Variants in SDAD1 observed in about 807,000 individuals in gnomAD.
SDAD1 encodes protein SDA1 homolog.
SDAD1 carries 79 observed loss-of-function variants against 100.3 expected under a neutral mutation model. The ratio of observed to expected loss-of-function variants is 0.79; its 90% CI spans 0.66 to 0.95. SDAD1 has a LOEUF of 0.95. Among genes scored for constraint, SDAD1 ranks in the 40% least tolerant of loss-of-function variants. The probability of loss-of-function intolerance (pLI) is 0.00; values close to 1 mark genes in which losing one functional copy is unlikely to be tolerated. For missense variants in SDAD1, 790 were observed against 810.9 expected, an observed-to-expected ratio of 0.97 and a Z score of 0.31; for synonymous variants, 267 against 271.4, an observed-to-expected ratio of 0.98 and a Z score of 0.16.
At chr4:75,951,664 T>C (rs1728635804) in intron 21 of SDAD1, among the ~76,000 whole-genome samples, 1 of 152,094 alleles carries the variant, frequency 6.6e-6, no homozygotes, top group African/African-American at 2.4e-5. Context: ...ATTTAACATC[T>C]AGAGAAAAAG....
At position 75,981,448 on chromosome 4, in the gene SDAD1, T is replaced by A. The variant is rs915725123; in HGVS notation, c.218A>T (p.Tyr73Phe). Reference protein sequence around the residue: ...MAQISHCYPEYLSNFPQEVKD... With the variant: ...MAQISHCYPEFLSNFPQEVKD... ...CACCTCTTGAGGAAAATTACTTAGG[T>A]ACTCTGGGTAGCAGTGACTAATCTG... The change falls in exon 3 of 22, where the codon TAC becomes TTC. Residue 73 changes from tyrosine to phenylalanine, a missense_variant. Coordinates refer to ENST00000356260, the MANE Select transcript of SDAD1 (RefSeq NM_018115.4). 7.4e-6 allele frequency: 12 copies of A among 1,613,832 alleles called. No individual in the cohort carries two copies. Among genetic ancestry groups the A allele is most frequent in the Non-Finnish European group, 9.3e-6 (11 of 1,179,788 alleles).
At chr4:75,988,584 A>G (rs1035134133) in intron 1 of SDAD1, among the ~76,000 whole-genome samples, 1 of 152,086 alleles carries the variant, frequency 6.6e-6, no homozygotes, top group East Asian at 1.9e-4. Context: ...TTAACATACT[A>G]TATTATTTGT....
chr4:75,967,186 ACT>A (rs1450661337), intron 12 of SDAD1, 89 bp downstream of exon 12: 1 of 1,189,862 alleles, frequency 8.4e-7, no homozygotes, highest in Non-Finnish European at 1.3e-6. Flanking sequence ...AGCACACTGC[ACT>A]CCTGTCTTTA....
chr4:75,978,070 G>C (rs567392897), intron 3 of SDAD1, among the ~76,000 whole-genome samples: 9 of 152,244 alleles, frequency 5.9e-5, no homozygotes, highest in African/African-American at 2.2e-4. Context: ...TCTTTGTAGT[G>C]TCATCATACG....
chr4:75,969,308 C>G lies in SDAD1; in HGVS notation c.975G>C (p.Val325=), dbSNP rs1335723938. Reference sequence around the variant, plus strand: ...ATATAATTCAAACCTCATGAATTCCCACCAATCTGGAGATAAGGTTCATGA... The same window carrying G: ...ATATAATTCAAACCTCATGAATTCCGACCAATCTGGAGATAAGGTTCATGA... ...MMLMNLISRL[V]GIHELFLFNF... is the part of the protein sequence containing the mutation. Residue 325 remains valine, a synonymous_variant, in exon 11 of 22, where the codon GTG becomes GTC. Transcript: ENST00000356260. The G allele has an allele frequency of 6.2e-7, 1 of 1,610,614 alleles. No homozygotes were observed. The highest frequency in any genetic ancestry group is 8.5e-7 in the Non-Finnish European group (1 of 1,177,166).
intron 1 of SDAD1, among the ~76,000 whole-genome samples, chr4:75,986,871 A>G (rs1730927111): frequency 1.3e-5 from 2 of 152,058 alleles, no homozygotes; most frequent in South Asian, 4.2e-4. Context: ...AAAAAAATCA[A>G]CTGGGAATGG....
intron 1 of SDAD1, among the ~76,000 whole-genome samples, chr4:75,989,352 T>C (rs1416254477): frequency 6.6e-6 from 1 of 152,202 alleles, no homozygotes; most frequent in Non-Finnish European, 1.5e-5. Flanking sequence ...AATTCTAACC[T>C]ATTCCCATCC....
chr4:75,981,535 T>G (rs1298571460), intron 2 of SDAD1, 65 bp from the exon 3 acceptor site: 2 of 1,604,732 alleles, frequency 1.2e-6, no homozygotes. Flanking sequence ...GATGCATACA[T>G]TTAGGATGTT....
intron 6 of SDAD1, 133 bp downstream of exon 6, chr4:75,975,611 A>T: frequency 3.4e-6 from 2 of 584,738 alleles, no homozygotes; most frequent in Non-Finnish European, 5.9e-6. Context: ...CTCTATTTTT[A>T]CTTCCAACTT....
In SDAD1 at chr4:75,977,548, GTTA is replaced by G. The variant is rs1056571704; in HGVS notation, c.405+95_405+97del. 16 of 802,616 alleles carry G rather than the reference GTTA, an allele frequency of 2.0e-5. No homozygotes were observed. In the Middle Eastern group the frequency reaches 1.0e-3, roughly 52 times the overall value. 49.7% of individuals were successfully genotyped at this position (802,616 alleles called of 1,614,324 possible). ...ACAATGGTTGCTTTTTCCTGTTAAA[GTTA>G]TTATTAACAATGTAAAGCATCGATA... On this transcript the variant is annotated intron_variant, in intron 4 of 21. Transcript: ENST00000356260.
At chr4:75,989,986 A>G (rs1731144259) in intron 1 of SDAD1, among the ~76,000 whole-genome samples, 3 of 152,258 alleles carry the variant, frequency 2.0e-5, no homozygotes, top group Admixed American at 2.0e-4. Flanking sequence ...CCTAGCAGAG[A>G]TACCTGTTTA....
At chr4:75,969,180 T>C in intron 11 of SDAD1, 116 bp downstream of exon 11, 1 of 574,518 alleles carries the variant, frequency 1.7e-6, no homozygotes, top group South Asian at 3.1e-5. Context: ...GTAAATTTTA[T>C]GTGTTTAAAT....
intron 21 of SDAD1, among the ~76,000 whole-genome samples, chr4:75,951,708 C>T (rs2149304587): frequency 6.6e-6 from 1 of 152,228 alleles, no homozygotes; most frequent in South Asian, 2.1e-4. Flanking sequence ...CGCAAACCTA[C>T]AAAAGCCCTT....
At position 75,990,863 on chromosome 4, in the gene SDAD1, C is replaced by T; in HGVS notation, c.-22G>A. 6.2e-7 allele frequency: 1 copy of T among 1,613,984 alleles called. No individual in the cohort carries two copies. Among genetic ancestry groups the T allele is most frequent in the Non-Finnish European group, 8.5e-7 (1 of 1,179,998 alleles). On this transcript the variant is annotated 5_prime_UTR_variant, in exon 1 of 22. Coordinates refer to ENST00000356260, the MANE Select transcript of SDAD1 (RefSeq NM_018115.4). ...ACATTTTGGCTGCAGACAGACTTCG[C>T]GGCGAGCAGTTTTAAAAAAACTCAG... is the stretch of plus-strand genomic sequence containing the variant.
At chr4:75,985,608 C>T (rs1180388235) in intron 1 of SDAD1, among the ~76,000 whole-genome samples, 2 of 152,164 alleles carry the variant, frequency 1.3e-5, no homozygotes, top group African/African-American at 2.4e-5. Flanking sequence ...ATCTCAATTC[C>T]TGTTATAATA....
intron 1 of SDAD1, among the ~76,000 whole-genome samples, chr4:75,989,643 T>A (rs1197035505): frequency 6.6e-6 from 1 of 152,258 alleles, no homozygotes; most frequent in South Asian, 2.1e-4. Flanking sequence ...GCAGGAGTTA[T>A]CTAACGGAAT....
Position 75,973,389 on chromosome 4 carries a change from T to C in SDAD1, c.639A>G (p.Ile213Met). Residue 213 changes from isoleucine (I) to methionine (M), a missense_variant and splice_region_variant, in exon 8 of 22, where the codon ATA becomes ATG. Physicochemically the swap from Ile to Met is conservative, Grantham distance 10. Transcript: ENST00000356260. ...TTACFSKVTKILVAALTFFLG... is the reference protein window; with the variant it reads ...TTACFSKVTKMLVAALTFFLG... ...GAAAGAATGTCAAAGCGGCAACTAATATCTAAACACCAATGAGAAAAAAGT... is the reference window on the plus strand; with the variant it reads ...GAAAGAATGTCAAAGCGGCAACTAACATCTAAACACCAATGAGAAAAAAGT... The C allele has an allele frequency of 6.2e-7, 1 of 1,612,276 alleles. No homozygotes were observed. The highest frequency in any genetic ancestry group is 8.5e-7 in the Non-Finnish European group (1 of 1,178,668).
chr4:75,958,820 G>A (rs1241889702), intron 17 of SDAD1, among the ~76,000 whole-genome samples: 10 of 149,988 alleles, frequency 6.7e-5, no homozygotes, highest in Non-Finnish European at 7.4e-5. Flanking sequence ...AAAAAAGGCC[G>A]GGTGCAGTGG....
intron 3 of SDAD1, among the ~76,000 whole-genome samples, chr4:75,978,707 G>A (rs1204175832): frequency 6.6e-6 from 1 of 152,070 alleles, no homozygotes; most frequent in Non-Finnish European, 1.5e-5. Flanking sequence ...TGGGCATGGT[G>A]GCCCACACCC....
Sources: gnomAD v4.1 joint callset for allele counts (sites outside exome capture counted in the v4.1 genomes callset) on GRCh38, gnomAD v4.1.1 for gene constraint, MANE v1.5 for transcripts, NCBI Gene and HGNC (gene_info 2026-07-23, HGNC 2026-07-21) for gene names.